ACBD6: variants seen among roughly 807,000 people sequenced by gnomAD.
The protein encoded by ACBD6 is acyl-CoA-binding domain-containing protein 6.
In ACBD6, 28 loss-of-function variants were observed where a neutral mutation model predicts 37.2. That is an observed-to-expected ratio of 0.75 (90% confidence interval 0.56 to 1.03). The LOEUF (loss-of-function observed/expected upper bound fraction) is 1.03. Ranked by LOEUF, ACBD6 falls within the 50% of genes least tolerant of loss-of-function variation. The probability of loss-of-function intolerance (pLI) is 0.00; values close to 1 mark genes in which losing one functional copy is unlikely to be tolerated. For missense variants in ACBD6, 340 were observed against 337.4 expected, an observed-to-expected ratio of 1.01 and a Z score of -0.06; for synonymous variants, 113 against 126.8, an observed-to-expected ratio of 0.89 and a Z score of 0.73.
chr1:180,319,158 C>T (rs2149293630), intron 6 of ACBD6, among the ~76,000 whole-genome samples: 1 of 152,288 alleles, frequency 6.6e-6, no homozygotes, highest in South Asian at 2.1e-4. Context: ...TTTTCTACTA[C>T]TGTGGCACAA....
intron 1 of ACBD6, among the ~76,000 whole-genome samples, chr1:180,500,708 A>T (rs1651935020): frequency 6.6e-6 from 1 of 151,158 alleles, no homozygotes; most frequent in African/African-American, 2.4e-5. Flanking sequence ...AAAAAAAAAA[A>T]AAAAGTGTCA....
chr1:180,382,107 T>A (rs1257297192), intron 6 of ACBD6, among the ~76,000 whole-genome samples: 1 of 121,302 alleles, frequency 8.2e-6, no homozygotes. Context: ...AGAACAAGAC[T>A]GCATCTCAAA....
intron 5 of ACBD6, among the ~76,000 whole-genome samples, chr1:180,407,420 A>G (rs1305272707): frequency 6.6e-6 from 1 of 152,222 alleles, no homozygotes; most frequent in African/African-American, 2.4e-5. Flanking sequence ...TTACACACAC[A>G]AAATATGTGT....
chr1:180,412,416 T>TA (rs1647898255), intron 5 of ACBD6, among the ~76,000 whole-genome samples: 1 of 152,186 alleles, frequency 6.6e-6, no homozygotes, highest in Non-Finnish European at 1.5e-5. Context: ...TCCTAACAAT[T>TA]ACTACCTTTG....
intron 3 of ACBD6, among the ~76,000 whole-genome samples, chr1:180,472,776 CATT>C (rs541859229): frequency 4.0e-4 from 61 of 152,178 alleles, no homozygotes; most frequent in Non-Finnish European, 7.8e-4. Flanking sequence ...TATAATTAAT[CATT>C]ATTATTATTG....
chr1:180,463,114 C>T (rs923957273), intron 3 of ACBD6, among the ~76,000 whole-genome samples: 23 of 152,102 alleles, frequency 1.5e-4, no homozygotes, highest in African/African-American at 5.6e-4. Context: ...AAAATGCCCA[C>T]ATCAAAAAGT....
chr1:180,311,783 C>A (rs1571346042), intron 7 of ACBD6, among the ~76,000 whole-genome samples: 1 of 152,206 alleles, frequency 6.6e-6, no homozygotes, highest in Non-Finnish European at 1.5e-5. Flanking sequence ...TCAAATATCA[C>A]AAAGTTTTCC....
chr1:180,403,976 AG>A (rs1647497540), intron 5 of ACBD6, among the ~76,000 whole-genome samples: 1 of 151,996 alleles, frequency 6.6e-6, no homozygotes, highest in Non-Finnish European at 1.5e-5. Context: ...TTTGAGACAA[AG>A]TCTCACTCTG....
intron 6 of ACBD6, among the ~76,000 whole-genome samples, chr1:180,389,160 C>A (rs72714840): frequency 2.6e-5 from 4 of 152,282 alleles, no homozygotes; most frequent in Middle Eastern, 3.4e-3. Flanking sequence ...CCCGCTCCCC[C>A]GCCCACAACA....
chr1:180,333,592 C>T lies in ACBD6; in HGVS notation c.664-18870G>A, dbSNP rs551751482. ...TACTGACAGCTCCCAGTGTGAGCGACGCAGAAGACGGGTGATTTCTGCATT... is the reference window on the plus strand; with the variant it reads ...TACTGACAGCTCCCAGTGTGAGCGATGCAGAAGACGGGTGATTTCTGCATT... On this transcript the variant is annotated intron_variant, in intron 6 of 7. Coordinates refer to ENST00000367595, the MANE Select transcript of ACBD6 (RefSeq NM_032360.4). Among the ~76,000 whole-genome samples the T allele has an allele frequency of 1.1e-4, 16 of 152,294 alleles. No individual in the cohort carries two copies. The South Asian group carries it at 1.9e-3, about 18-fold the overall frequency.
intron 8 of ACBD6, among the ~76,000 whole-genome samples, chr1:180,282,152 G>A (rs1415831779): frequency 6.6e-6 from 1 of 152,148 alleles, no homozygotes; most frequent in African/African-American, 2.4e-5. Flanking sequence ...AAGTTACAGG[G>A]TGTCCCTGAA....
At chr1:180,348,379 A>T (rs1241747626) in intron 6 of ACBD6, among the ~76,000 whole-genome samples, 1 of 152,196 alleles carries the variant, frequency 6.6e-6, no homozygotes, top group African/African-American at 2.4e-5. Flanking sequence ...CAAAAAATGA[A>T]CGGAAATGAT....
intron 3 of ACBD6, among the ~76,000 whole-genome samples, chr1:180,440,871 G>A (rs1649254990): frequency 6.6e-6 from 1 of 152,192 alleles, no homozygotes; most frequent in Admixed American, 6.5e-5. Flanking sequence ...ATTATAGCAT[G>A]TATCGGTTCT....
intron 3 of ACBD6, among the ~76,000 whole-genome samples, chr1:180,487,233 T>C (rs758091024): frequency 6.6e-6 from 1 of 152,156 alleles, no homozygotes; most frequent in East Asian, 1.9e-4. Flanking sequence ...CTGATTTTGA[T>C]CATTATAGTA....
At chr1:180,318,396 G>A (rs1650919667) in intron 6 of ACBD6, among the ~76,000 whole-genome samples, 1 of 152,084 alleles carries the variant, frequency 6.6e-6, no homozygotes. Context: ...GGGAAGCAGA[G>A]TGATGTTTGT....
At chr1:180,373,528 A>C (rs925555679) in intron 6 of ACBD6, among the ~76,000 whole-genome samples, 4 of 152,214 alleles carry the variant, frequency 2.6e-5, no homozygotes, top group African/African-American at 9.7e-5. Flanking sequence ...GCAATATCCA[A>C]GCTTACAAAG....
chr1:180,486,207 G>C (rs1308368963), intron 3 of ACBD6, among the ~76,000 whole-genome samples: 1 of 152,110 alleles, frequency 6.6e-6, no homozygotes, highest in Non-Finnish European at 1.5e-5. Context: ...CTAAAAAAGT[G>C]GTCAATCCCC....
chr1:180,281,335 G>C (rs1343771160), exon 9 of ACBD6: 2 of 152,164 alleles, frequency 1.3e-5, no homozygotes, highest in Admixed American at 1.3e-4. Context: ...CTCCGCAGTC[G>C]GTGTTCCATT....
At chr1:180,271,478 C>G in exon 14 of ACBD6, 1 of 1,614,160 alleles carries the variant, frequency 6.2e-7, no homozygotes, top group South Asian at 1.1e-5. Context: ...CAAGCCTGCC[C>G]GGCACGTGAG....
Sources: allele counts gnomAD v4.1 joint callset (sites outside exome capture counted in the v4.1 genomes callset), GRCh38; gene constraint gnomAD v4.1.1; transcripts MANE v1.5; gene names NCBI Gene and HGNC (gene_info 2026-07-23, HGNC 2026-07-21).